Variants in PARG observed in about 807,000 individuals in gnomAD.
The protein encoded by PARG is mitochondrial poly(ADP-ribose) glycohydrolase.
A neutral mutation model predicts 113.0 loss-of-function variants in PARG; 35 were observed. The observed-to-expected ratio is 0.31, with a 90% CI of 0.24 to 0.41. The LOEUF is 0.41. Among genes scored for constraint, PARG ranks in the 10% least tolerant of loss-of-function variants. The probability of loss-of-function intolerance (pLI) is 1.00; values close to 1 mark genes in which losing one functional copy is unlikely to be tolerated. For missense variants in PARG, 797 were observed against 1,169.4 expected, an observed-to-expected ratio of 0.68 and a Z score of 4.64; for synonymous variants, 330 against 409.9, an observed-to-expected ratio of 0.81 and a Z score of 2.36.
In PARG at chr10:49,879,830, G is replaced by C; in HGVS notation, c.1831C>G (p.Pro611Ala). 9.1e-7 allele frequency: 1 copy of C among 1,103,384 alleles called. No homozygotes were observed. Among genetic ancestry groups the C allele is most frequent in the Non-Finnish European group, 1.4e-6 (1 of 738,054 alleles). The allele number at this position is 1,103,384 out of a possible 1,614,324, so 68.3% of individuals were successfully genotyped here. ...ALCLPNICTQPIPLLKQKMNH... is the reference protein window; with the variant it reads ...ALCLPNICTQAIPLLKQKMNH... The stretch of plus-strand genomic sequence containing the variant: ...ATCTTCTGTTTCAGGAGTGGTATTG[G>C]CTGATAAAAGAAACAAAAAAATACA... Residue 611 changes from proline (P) to alanine (A), a missense_variant and splice_region_variant, in exon 9 of 18, where the codon CCA (proline) becomes GCA (alanine). Coordinates refer to ENST00000616448, the MANE Select transcript of PARG (RefSeq NM_003631.5).
intron 6 of PARG, among the ~76,000 whole-genome samples, chr10:49,921,651 T>G (rs1837879020): frequency 6.6e-6 from 1 of 151,972 alleles, no homozygotes; most frequent in East Asian, 1.9e-4. Flanking sequence ...TGAAAGAAAA[T>G]AAAACTCATT....
chr10:49,823,346 A>G (rs1844198877), intron 16 of PARG, among the ~76,000 whole-genome samples: 1 of 152,306 alleles, frequency 6.6e-6, no homozygotes, highest in Middle Eastern at 3.4e-3. Context: ...TTGAACCAGT[A>G]AAATTTGATA....
intron 1 of PARG, among the ~76,000 whole-genome samples, chr10:49,939,861 T>A (rs1353548929): frequency 2.6e-5 from 4 of 152,138 alleles, no homozygotes; most frequent in African/African-American, 9.7e-5. Flanking sequence ...AAGTGTAGAC[T>A]CTTCACCAGA....
In PARG at chr10:49,860,762, T is replaced by C. The variant is rs1588909800; in HGVS notation, c.2205+826A>G. Among the ~76,000 whole-genome samples, 4 of 149,678 alleles carry C rather than the reference T, an allele frequency of 2.7e-5. No homozygotes were observed. The East Asian group carries it at 6.0e-4, about 22-fold the overall frequency. On this transcript the variant is annotated intron_variant, in intron 12 of 17. Transcript: ENST00000616448. The stretch of plus-strand genomic sequence containing the variant: ...AACCAATATAAGCACCAAATAAGAA[T>C]CTAAGAAGAAAAATAAACTATTATC...
chr10:49,868,137 G>A (rs1446544494), intron 10 of PARG, among the ~76,000 whole-genome samples: 2 of 152,016 alleles, frequency 1.3e-5, no homozygotes, highest in Non-Finnish European at 2.9e-5. Context: ...ACACTCTCCC[G>A]CCACCGCGCC....
chr10:49,890,280 C>T (rs1475588787), intron 7 of PARG, among the ~76,000 whole-genome samples: 1 of 152,050 alleles, frequency 6.6e-6, no homozygotes, highest in Admixed American at 6.5e-5. Context: ...GTGTGTGTAG[C>T]AACTTTTTAT....
Position 49,893,357 on chromosome 10 carries a change from G to C in PARG, c.1738-8062C>G, listed in dbSNP as rs529499262. On this transcript the variant is annotated intron_variant, in intron 7 of 17. Coordinates refer to ENST00000616448, the MANE Select transcript of PARG (RefSeq NM_003631.5). ...TTTTTAATGTGCTTATTGGCAATTT[G>C]TATACCTTCCTTTGTGAAATCCTTT... Among the ~76,000 whole-genome samples, 204 of 152,230 alleles carry C rather than the reference G, an allele frequency of 1.3e-3. 1 individual carries two copies. Among genetic ancestry groups the C allele is most frequent in the African/African-American group, 4.6e-3 (193 of 41,522 alleles).
At chr10:49,899,790 T>C (rs1343254840) in intron 7 of PARG, among the ~76,000 whole-genome samples, 1 of 152,092 alleles carries the variant, frequency 6.6e-6, no homozygotes, top group Non-Finnish European at 1.5e-5. Context: ...TTTCTTTTGG[T>C]TTGATTTGGT....
intron 6 of PARG, among the ~76,000 whole-genome samples, chr10:49,917,420 C>T (rs1464405359): frequency 2.8e-5 from 4 of 140,386 alleles, no homozygotes; most frequent in Non-Finnish European, 6.0e-5. Flanking sequence ...ACCAGGGAGT[C>T]AGATGTTGCA....
chr10:49,932,433 G>T (rs1838537734), intron 3 of PARG, 150 bp from the exon 4 acceptor site: 10 of 625,988 alleles, frequency 1.6e-5, no homozygotes, highest in Non-Finnish European at 2.6e-5. Context: ...ACAATCAAAA[G>T]AAAAACCTAT....
chr10:49,841,685 T>G (rs1486045337), intron 15 of PARG, among the ~76,000 whole-genome samples: 1 of 152,194 alleles, frequency 6.6e-6, no homozygotes, highest in Non-Finnish European at 1.5e-5. Context: ...TAATGTCCCA[T>G]AGCAGCTAAG....
chr10:49,868,117 A>G (rs1846609950), intron 10 of PARG, among the ~76,000 whole-genome samples: 1 of 152,098 alleles, frequency 6.6e-6, no homozygotes, highest in Admixed American at 6.5e-5. Flanking sequence ...CCTCCCGAGT[A>G]GCTGGCATTA....
At chr10:49,916,164 T>A (rs1267782155) in intron 6 of PARG, among the ~76,000 whole-genome samples, 173 bp from the exon 7 acceptor site, 2 of 152,110 alleles carry the variant, frequency 1.3e-5, no homozygotes, top group African/African-American at 4.8e-5. Context: ...ACAGAATGAA[T>A]ACTAATTTAT....
At chr10:49,883,642 T>C (rs1215915224) in intron 8 of PARG, among the ~76,000 whole-genome samples, 1 of 150,714 alleles carries the variant, frequency 6.6e-6, no homozygotes, top group African/African-American at 2.4e-5. Flanking sequence ...CTGCTAAAAA[T>C]ACAAAAAAAT....
At chr10:49,821,507 G>A (rs1210296219) in intron 16 of PARG, among the ~76,000 whole-genome samples, 3 of 152,082 alleles carry the variant, frequency 2.0e-5, no homozygotes, top group African/African-American at 7.2e-5. Flanking sequence ...AGCCTCCCAA[G>A]TAGCTGGGAT....
At chr10:49,939,720 C>A (rs1838925980) in intron 1 of PARG, among the ~76,000 whole-genome samples, 1 of 152,190 alleles carries the variant, frequency 6.6e-6, no homozygotes, top group African/African-American at 2.4e-5. Flanking sequence ...TCCAGTCTTA[C>A]CAACTTTTGC....
At chr10:49,893,953 C>T (rs1191944454) in intron 7 of PARG, among the ~76,000 whole-genome samples, 1 of 152,140 alleles carries the variant, frequency 6.6e-6, no homozygotes, top group Non-Finnish European at 1.5e-5. Context: ...CCACCTTGGC[C>T]TCCCAAAGTG....
intron 15 of PARG, among the ~76,000 whole-genome samples, chr10:49,838,288 G>A (rs1331924542): frequency 1.3e-5 from 2 of 151,812 alleles, no homozygotes; most frequent in African/African-American, 4.8e-5. Context: ...AAAAATAGCC[G>A]GGAGTAGTGG....
intron 6 of PARG, among the ~76,000 whole-genome samples, chr10:49,918,082 A>G (rs1319669746): frequency 3.9e-5 from 6 of 152,172 alleles, no homozygotes; most frequent in African/African-American, 1.4e-4. Flanking sequence ...AACTATAGTG[A>G]AAAAGAACAG....
Sources: gnomAD v4.1 joint callset for allele counts (sites outside exome capture counted in the v4.1 genomes callset) on GRCh38, gnomAD v4.1.1 for gene constraint, MANE v1.5 for transcripts, NCBI Gene and HGNC (gene_info 2026-07-23, HGNC 2026-07-21) for gene names.